The following LRRC3B variants were observed in gnomAD, a reference collection of about 807,000 sequenced individuals.
The protein encoded by LRRC3B is leucine-rich repeat-containing protein 3B.
Under a neutral mutation model 12.8 loss-of-function variants are expected in LRRC3B, and 2 were observed. That is an observed-to-expected ratio of 0.16 (90% CI 0.06 to 0.49). The LOEUF is 0.49. Ranked by LOEUF, LRRC3B falls within the 20% of genes least tolerant of loss-of-function variation. The pLI, the probability that LRRC3B is intolerant of heterozygous loss-of-function variation, is 0.96. For missense variants in LRRC3B, 189 were observed against 319.4 expected, an observed-to-expected ratio of 0.59 and a Z score of 3.11; for synonymous variants, 132 against 122.0, an observed-to-expected ratio of 1.08 and a Z score of -0.54.
chr3:26,677,208 T>C (rs1308052564), intron 1 of LRRC3B, among the ~76,000 whole-genome samples: 1 of 152,154 alleles, frequency 6.6e-6, no homozygotes, highest in Non-Finnish European at 1.5e-5. Flanking sequence ...CACAGGGCTA[T>C]GCAAAAAATA....
At chr3:26,705,404 G>A (rs926389358) in intron 1 of LRRC3B, among the ~76,000 whole-genome samples, 5 of 151,862 alleles carry the variant, frequency 3.3e-5, no homozygotes, top group Non-Finnish European at 7.4e-5. Context: ...ATGGGGACAG[G>A]GTAGTCCAGT....
At chr3:26,680,547 C>T (rs372509312) in intron 1 of LRRC3B, among the ~76,000 whole-genome samples, 12 of 152,322 alleles carry the variant, frequency 7.9e-5, no homozygotes, top group African/African-American at 2.6e-4. Flanking sequence ...AAGTGTCACA[C>T]GTATTACACC....
chr3:26,641,361 C>A (rs751314071), intron 1 of LRRC3B, among the ~76,000 whole-genome samples: 8 of 152,162 alleles, frequency 5.3e-5, no homozygotes, highest in Non-Finnish European at 7.4e-5. Flanking sequence ...CTGTGCTCTC[C>A]CTAACACTGC....
intron 1 of LRRC3B, among the ~76,000 whole-genome samples, chr3:26,672,726 T>C (rs1699773500): frequency 1.3e-5 from 2 of 152,260 alleles, no homozygotes; most frequent in Admixed American, 1.3e-4. Context: ...CTTAAGATTT[T>C]TGGATTCAGT....
At chr3:26,623,871 G>A (rs1698562289) in intron 1 of LRRC3B, 1 of 152,518 alleles carries the variant, frequency 6.6e-6, no homozygotes. Flanking sequence ...ATGGGTGGGT[G>A]AAGTAAGTGG....
chr3:26,708,558 C>T (rs1326746953), intron 1 of LRRC3B, among the ~76,000 whole-genome samples: 9 of 152,076 alleles, frequency 5.9e-5, no homozygotes, highest in African/African-American at 1.9e-4. Flanking sequence ...GTGAACTGGT[C>T]CCAAAGATGT....
intron 1 of LRRC3B, among the ~76,000 whole-genome samples, chr3:26,709,214 G>T (rs1335824559): frequency 6.6e-6 from 1 of 152,158 alleles, no homozygotes; most frequent in Non-Finnish European, 1.5e-5. Context: ...GAATTCGAAG[G>T]GGTCCAGGAT....
chr3:26,663,188 T>C (rs1161837613), intron 1 of LRRC3B, among the ~76,000 whole-genome samples: 1 of 152,168 alleles, frequency 6.6e-6, no homozygotes, highest in African/African-American at 2.4e-5. Context: ...TTTAGCTTGA[T>C]TGAGTTCTGT....
At chr3:26,671,635 C>T (rs546423257) in intron 1 of LRRC3B, among the ~76,000 whole-genome samples, 85 of 151,542 alleles carry the variant, frequency 5.6e-4, no homozygotes, top group Non-Finnish European at 1.0e-3. Context: ...TCTCATGGTC[C>T]GCCCGCCTTG....
chr3:26,675,112 C>G (rs1313693087), intron 1 of LRRC3B, among the ~76,000 whole-genome samples: 3 of 152,074 alleles, frequency 2.0e-5, no homozygotes, highest in African/African-American at 7.3e-5. Context: ...GTATGTCTTC[C>G]CGGTGTGGTT....
chr3:26,694,018 T>C (rs1014633712), intron 1 of LRRC3B, among the ~76,000 whole-genome samples: 12 of 152,208 alleles, frequency 7.9e-5, no homozygotes, highest in African/African-American at 2.7e-4. Flanking sequence ...CTGCCTGCAA[T>C]AGACATTAGT....
At chr3:26,693,705 T>C (rs1700243002) in intron 1 of LRRC3B, among the ~76,000 whole-genome samples, 1 of 152,212 alleles carries the variant, frequency 6.6e-6, no homozygotes. Flanking sequence ...CAGTAACTAG[T>C]AACTACTAAG....
intron 1 of LRRC3B, among the ~76,000 whole-genome samples, chr3:26,635,472 G>A (rs925523004): frequency 3.6e-4 from 55 of 152,292 alleles, no homozygotes; most frequent in African/African-American, 1.2e-3. Flanking sequence ...TACAAGAAAA[G>A]ACAACAGAAA....
intron 1 of LRRC3B, among the ~76,000 whole-genome samples, chr3:26,639,999 A>G (rs1469504287): frequency 6.6e-6 from 1 of 152,142 alleles, no homozygotes; most frequent in African/African-American, 2.4e-5. Flanking sequence ...CCAAATCAGG[A>G]TGGATAAACA....
At chr3:26,671,373 T>TATATATAGAGAGAGAGAGAGAGAGAG (rs1261897533) in intron 1 of LRRC3B, among the ~76,000 whole-genome samples, 8 of 28,258 alleles carry the variant, frequency 2.8e-4, no homozygotes, top group Non-Finnish European at 4.2e-4. Context: ...TATATATATA[T>TATATATAGAGAGAGAGAGAGAGAGAG]AGAGAGAGAG....
chr3:26,646,617 A>T (rs1241308793), intron 1 of LRRC3B, among the ~76,000 whole-genome samples: 6 of 64,206 alleles, frequency 9.3e-5, no homozygotes, highest in Non-Finnish European at 2.3e-4. Context: ...AAAAAAAAAA[A>T]AAAAAAAAAA....
At chr3:26,689,822 G>A (rs1180192402) in intron 1 of LRRC3B, among the ~76,000 whole-genome samples, 2 of 152,218 alleles carry the variant, frequency 1.3e-5, no homozygotes, top group African/African-American at 2.4e-5. Flanking sequence ...GCCCACAGCT[G>A]TAACAGTCAG....
intron 1 of LRRC3B, among the ~76,000 whole-genome samples, chr3:26,687,623 G>C (rs1402905581): frequency 1.3e-5 from 2 of 152,146 alleles, no homozygotes; most frequent in Admixed American, 1.3e-4. Flanking sequence ...GGCAGCATGG[G>C]GTACAAGAAT....
At chr3:26,675,303 C>T (rs1343743553) in intron 1 of LRRC3B, among the ~76,000 whole-genome samples, 1 of 152,186 alleles carries the variant, frequency 6.6e-6, no homozygotes, top group Non-Finnish European at 1.5e-5. Flanking sequence ...GATGAATTCG[C>T]CACTGACAAG....
Sources: allele counts gnomAD v4.1 joint callset (sites outside exome capture counted in the v4.1 genomes callset), GRCh38; gene constraint gnomAD v4.1.1; transcripts MANE v1.5; gene names NCBI Gene and HGNC (gene_info 2026-07-23, HGNC 2026-07-21).